Variants in SLC45A4 observed in about 807,000 individuals in gnomAD.
SLC45A4 encodes the protein polyamine-transporter SLC45A4.
In SLC45A4, 32 loss-of-function variants were observed where a neutral mutation model predicts 63.7. The ratio of observed to expected loss-of-function variants is 0.50; its 90% CI spans 0.38 to 0.67. The LOEUF (loss-of-function observed/expected upper bound fraction) is 0.67, where lower values mean the gene tolerates loss of function less well. Ranked by LOEUF, SLC45A4 falls within the 30% of genes least tolerant of loss-of-function variation. The pLI, the probability that SLC45A4 is intolerant of heterozygous loss-of-function variation, is 0.00. For missense variants in SLC45A4, 1,027 were observed against 1,157.7 expected, an observed-to-expected ratio of 0.89 and a Z score of 1.64; for synonymous variants, 535 against 510.0, an observed-to-expected ratio of 1.05 and a Z score of -0.66.
At position 141,218,161 on chromosome 8, in the gene SLC45A4, CG is replaced by C; in HGVS notation, c.1478del (p.Thr493ArgfsTer10). On this transcript the variant is annotated frameshift_variant, in exon 5 of 9. Transcript: ENST00000517878. LOFTEE classifies it high-confidence loss of function. ...GCATGGAGAGCCACAGCAGGCGCAC[CG>C]TGGTCTCGCCCTCCCCCTCCTCACT... ...TESEEGEGETTVRLLWLSMLK... is the reference protein window; with the variant it reads ...TESEEGEGETXVRLLWLSMLK... The C allele has an allele frequency of 1.2e-6, 2 of 1,608,230 alleles. No homozygotes were observed. Among genetic ancestry groups the C allele is most frequent in the Non-Finnish European group, 1.7e-6 (2 of 1,179,916 alleles).
chr8:141,251,990 G>A (rs140892903), intron 2 of SLC45A4, among the ~76,000 whole-genome samples: 1 of 145,648 alleles, frequency 6.9e-6, no homozygotes, highest in East Asian at 2.0e-4. Context: ...CCGCACTGCA[G>A]CGAGGCTGAG....
chr8:141,208,583 A>T lies in SLC45A4; in HGVS notation c.*2989T>A, dbSNP rs1456094972. The T allele has an allele frequency of 6.6e-6, 1 of 152,484 alleles. No individual in the cohort carries two copies. Among genetic ancestry groups the T allele is most frequent in the Non-Finnish European group, 1.5e-5 (1 of 68,258 alleles). The allele number at this position is 152,484 out of a possible 1,614,324, so 9.4% of individuals were successfully genotyped here. ...AGGCTTTCAAGGGCAGGTGTCCAAG[A>T]GGCAGCACACAGCACTGACGTGTTC... On this transcript the variant is annotated 3_prime_UTR_variant, in exon 9 of 9. Transcript: ENST00000517878.
At chr8:141,234,364 C>A (rs1343855508) in intron 2 of SLC45A4, among the ~76,000 whole-genome samples, 1 of 152,214 alleles carries the variant, frequency 6.6e-6, no homozygotes, top group Non-Finnish European at 1.5e-5. Flanking sequence ...GGGCTCTTCC[C>A]AGGACTGAAG....
At chr8:141,304,579 G>T (rs1451050701) in intron 1 of SLC45A4, among the ~76,000 whole-genome samples, 1 of 148,454 alleles carries the variant, frequency 6.7e-6, no homozygotes, top group African/African-American at 2.5e-5. Context: ...AAAAAGGGGG[G>T]GAGAGAGAGA....
chr8:141,275,833 T>C (rs984457761), intron 1 of SLC45A4, among the ~76,000 whole-genome samples: 18 of 152,120 alleles, frequency 1.2e-4, no homozygotes, highest in Non-Finnish European at 2.2e-4. Context: ...TTGAGTTCTT[T>C]AGAAAGGTAC....
rs1033032341 is a variant in SLC45A4 at position 141,209,150 on chromosome 8, C to T, written c.*2422G>A. 1 of 152,582 alleles carries T rather than the reference C, an allele frequency of 6.6e-6. No individual in the cohort carries two copies. The highest frequency in any genetic ancestry group is 2.4e-5 in the African/African-American group (1 of 41,478). 9.5% of individuals were successfully genotyped at this position (152,582 alleles called of 1,614,324 possible). On this transcript the variant is annotated 3_prime_UTR_variant, in exon 9 of 9. Coordinates refer to ENST00000517878, the MANE Select transcript of SLC45A4 (RefSeq NM_001286646.2). ...CAAGGCTATCAGCCAGAGCACCTCC[C>T]CTTTGACACTGACCGGCGTCCCCAG...
At chr8:141,275,254 G>T (rs1829688293) in intron 1 of SLC45A4, among the ~76,000 whole-genome samples, 1 of 152,198 alleles carries the variant, frequency 6.6e-6, no homozygotes, top group Admixed American at 6.5e-5. Flanking sequence ...GTTTTCTTGG[G>T]ATTATGGACA....
intron 2 of SLC45A4, among the ~76,000 whole-genome samples, chr8:141,232,281 G>C (rs993543611): frequency 4.6e-5 from 7 of 152,382 alleles, no homozygotes; most frequent in African/African-American, 1.7e-4. Flanking sequence ...TTGGCCATGG[G>C]CTGGTTCACG....
intron 1 of SLC45A4, among the ~76,000 whole-genome samples, chr8:141,260,211 T>A (rs533355562): frequency 6.6e-6 from 1 of 152,364 alleles, no homozygotes; most frequent in Non-Finnish European, 1.5e-5. Context: ...TGAGTTTGTT[T>A]AAAGTAGCAG....
In SLC45A4 at chr8:141,277,104, G is replaced by A. The variant is rs537895371; in HGVS notation, c.-400-22475C>T. 3.9e-5 allele frequency among the ~76,000 whole-genome samples: 6 copies of A among 152,330 alleles called. No individual in the cohort carries two copies. In the East Asian group the frequency reaches 5.8e-4, roughly 15 times the overall value. ...TGCCCGGCACAGGGGTGAGGAGCCC[G>A]CGCCGCCCTCTACAGATGGGTGCGC... On this transcript the variant is annotated intron_variant, in intron 1 of 8. Transcript: ENST00000517878.
At chr8:141,217,276 G>A (rs1356542393) in intron 5 of SLC45A4, 87 bp from the exon 6 acceptor site, 8 of 1,374,932 alleles carry the variant, frequency 5.8e-6, no homozygotes, top group African/African-American at 5.7e-5. Context: ...ACTGCTGGCC[G>A]GCTGCTCATT....
chr8:141,261,478 C>A (rs542658176), intron 1 of SLC45A4, among the ~76,000 whole-genome samples: 1 of 151,892 alleles, frequency 6.6e-6, no homozygotes, highest in Admixed American at 6.6e-5. Context: ...AAAACCCCAT[C>A]GTCTCAGCCC....
At chr8:141,243,895 A>G (rs1315391876) in intron 2 of SLC45A4, among the ~76,000 whole-genome samples, 2 of 152,200 alleles carry the variant, frequency 1.3e-5, no homozygotes, top group Non-Finnish European at 2.9e-5. Flanking sequence ...TACTATAAAC[A>G]TATAATACAT....
At chr8:141,219,980 A>G in intron 3 of SLC45A4, 151 bp from the exon 4 acceptor site, 1 of 748,572 alleles carries the variant, frequency 1.3e-6, no homozygotes, top group Non-Finnish European at 2.1e-6. Context: ...TCTTAGGCAC[A>G]GAGGCAGCGG....
At chr8:141,274,977 C>T (rs1563666506) in intron 1 of SLC45A4, among the ~76,000 whole-genome samples, 2 of 152,248 alleles carry the variant, frequency 1.3e-5, no homozygotes, top group Admixed American at 6.5e-5. Flanking sequence ...GAGGGCAGAA[C>T]GGCCACTTTC....
At chr8:141,283,396 G>C (rs1589850064) in intron 1 of SLC45A4, among the ~76,000 whole-genome samples, 1 of 152,174 alleles carries the variant, frequency 6.6e-6, no homozygotes, top group African/African-American at 2.4e-5. Context: ...CAGCCCCAAA[G>C]CTCCAGGCCT....
intron 2 of SLC45A4, chr8:141,228,483 C>T (rs1357724339): frequency 3.0e-6 from 4 of 1,336,996 alleles, no homozygotes; most frequent in African/African-American, 1.5e-5. Flanking sequence ...TTGTGGGCAC[C>T]TGTCTTCACT....
At chr8:141,235,728 A>G (rs1048876398) in intron 2 of SLC45A4, among the ~76,000 whole-genome samples, 8 of 152,220 alleles carry the variant, frequency 5.3e-5, no homozygotes, top group Non-Finnish European at 1.0e-4. Flanking sequence ...AGCAATTCTC[A>G]TTAGTCACGT....
At chr8:141,217,676 T>C (rs1826245847) in intron 5 of SLC45A4, among the ~76,000 whole-genome samples, 2 of 152,206 alleles carry the variant, frequency 1.3e-5, no homozygotes, top group South Asian at 2.1e-4. Flanking sequence ...GAGCCTGGCA[T>C]GGTCAACAGC....
Sources: allele counts gnomAD v4.1 joint callset (sites outside exome capture counted in the v4.1 genomes callset), GRCh38; gene constraint gnomAD v4.1.1; transcripts MANE v1.5; gene names NCBI Gene and HGNC (gene_info 2026-07-23, HGNC 2026-07-21).